The following HEBP1 variants were observed in gnomAD, a reference collection of about 807,000 sequenced individuals.
The protein encoded by HEBP1 is heme binding protein 1.
Under a neutral mutation model 20.4 loss-of-function variants are expected in HEBP1, and 13 were observed. The ratio of observed to expected loss-of-function variants is 0.64; its 90% confidence interval spans 0.42 to 1.01. The LOEUF is 1.01. Among genes scored for constraint, HEBP1 ranks in the 50% least tolerant of loss-of-function variants. The pLI is 0.00. For synonymous variants in HEBP1, 92 were observed against 90.7 expected, an observed-to-expected ratio of 1.01 and a Z score of -0.08; for missense variants, 241 against 247.3, an observed-to-expected ratio of 0.97 and a Z score of 0.17.
At chr12:12,994,213 T>C (rs1322216880) in intron 1 of HEBP1, among the ~76,000 whole-genome samples, 2 of 152,122 alleles carry the variant, frequency 1.3e-5, no homozygotes, top group African/African-American at 4.8e-5. Context: ...ATGATGACTG[T>C]GAGTACAAAT....
intron 3 of HEBP1, chr12:12,985,797 C>T (rs554696222): frequency 4.5e-4 from 69 of 152,214 alleles, no homozygotes; most frequent in African/African-American, 1.6e-3. Flanking sequence ...CAGCACTTAA[C>T]AAATGCAAAA....
chr12:12,993,486 C>CCTCTCT (rs113869518), intron 1 of HEBP1, among the ~76,000 whole-genome samples: 28 of 134,906 alleles, frequency 2.1e-4, no homozygotes, highest in African/African-American at 7.0e-4. Flanking sequence ...TTTTTCTTTT[C>CCTCTCT]CTCTCTCTCT....
At chr12:12,983,470 A>C in intron 3 of HEBP1, 1 of 295,156 alleles carries the variant, frequency 3.4e-6, no homozygotes, top group Non-Finnish European at 6.8e-6. Flanking sequence ...TTCATTTTAG[A>C]ATTAATTTTG....
intron 3 of HEBP1, chr12:12,979,851 C>A (rs1470077157): frequency 1.3e-5 from 2 of 152,054 alleles, no homozygotes; most frequent in Non-Finnish European, 2.9e-5. Context: ...ATACACACAC[C>A]CCTGATTCCA....
chr12:12,975,351 T>C lies in HEBP1; in HGVS notation c.527A>G (p.Lys176Arg), dbSNP rs202078944. 1.2e-6 allele frequency: 2 copies of C among 1,614,072 alleles called. No homozygotes were observed. The highest frequency in any genetic ancestry group is 1.7e-6 in the Non-Finnish European group (2 of 1,179,966). The change falls in exon 4 of 4, where the codon AAG becomes AGG. Residue 176 changes from lysine to arginine, a missense_variant. Physicochemically the swap from Lys to Arg is conservative, Grantham distance 26 (BLOSUM62 2). Coordinates refer to ENST00000014930, the MANE Select transcript of HEBP1 (RefSeq NM_015987.5). ...GATCTCATTGCGCCGTCCGTAGGGC[T>C]TCATGGGAGGGTCATAACCCGTGCA... Reference protein sequence around the residue: ...YFCTGYDPPMKPYGRRNEIWL... With the variant: ...YFCTGYDPPMRPYGRRNEIWL...
At chr12:12,994,984 G>T (rs1266202616) in intron 1 of HEBP1, among the ~76,000 whole-genome samples, 2 of 152,198 alleles carry the variant, frequency 1.3e-5, no homozygotes, top group Non-Finnish European at 2.9e-5. Context: ...TGATGATGCA[G>T]GCACCACTGA....
intron 1 of HEBP1, among the ~76,000 whole-genome samples, chr12:12,992,046 T>C (rs1864230494): frequency 6.6e-6 from 1 of 152,230 alleles, no homozygotes; most frequent in African/African-American, 2.4e-5. Context: ...GGAACCTGGC[T>C]GCCCTAGACT....
At chr12:12,983,550 C>T (rs549550865) in intron 3 of HEBP1, 1 of 371,780 alleles carries the variant, frequency 2.7e-6, no homozygotes, top group African/African-American at 2.1e-5. Context: ...TTGCCTTCTA[C>T]CATCTCATTA....
At chr12:12,979,248 C>T (rs778265075) in intron 3 of HEBP1, among the ~76,000 whole-genome samples, 6 of 152,190 alleles carry the variant, frequency 3.9e-5, no homozygotes, top group Admixed American at 6.5e-5. Context: ...TCCGGGAAAA[C>T]CCCCAATTCT....
chr12:12,981,627 A>G (rs977224261), intron 3 of HEBP1, among the ~76,000 whole-genome samples: 6 of 152,244 alleles, frequency 3.9e-5, no homozygotes, highest in African/African-American at 1.4e-4. Flanking sequence ...AGTGTCACCC[A>G]TCTATCCAGA....
chr12:12,984,647 C>T (rs931740109), intron 3 of HEBP1: 3 of 152,086 alleles, frequency 2.0e-5, no homozygotes, highest in Non-Finnish European at 4.4e-5. Context: ...GTACCATCAG[C>T]CAGGTGTGGT....
At position 12,996,034 on chromosome 12, in the gene HEBP1, T is replaced by C. The variant is rs1288201233; in HGVS notation, c.78+4003A>G. Among the ~76,000 whole-genome samples, 1 of 152,220 alleles carries C rather than the reference T, an allele frequency of 6.6e-6. No homozygotes were observed. ...CATGTAGTGGGTATACATGCTAATG[T>C]TGGAAACCTGCTTTCTCATTACAAG... On this transcript the variant is annotated intron_variant, in intron 1 of 3. Transcript: ENST00000014930. This position sits in a 1 kb window ranked among gnomAD's most constrained non-coding sequence, Gnocchi z 4.1.
chr12:12,980,924 G>C (rs1864073036), intron 3 of HEBP1, among the ~76,000 whole-genome samples: 1 of 152,276 alleles, frequency 6.6e-6, no homozygotes, highest in Non-Finnish European at 1.5e-5. Flanking sequence ...CCCCCAACCA[G>C]AGCTGAGCAG....
At chr12:12,985,729 C>T (rs1450856902) in intron 3 of HEBP1, 2 of 151,956 alleles carry the variant, frequency 1.3e-5, no homozygotes, top group African/African-American at 4.8e-5. Context: ...TAACAATAAT[C>T]CTATAAGGTT....
chr12:12,992,357 C>G (rs1442492061), intron 1 of HEBP1, among the ~76,000 whole-genome samples: 1 of 152,172 alleles, frequency 6.6e-6, no homozygotes. Flanking sequence ...GCGAACGCCA[C>G]CACTCCCAGC....
chr12:12,991,860 A>G (rs1864229294), intron 1 of HEBP1, among the ~76,000 whole-genome samples: 1 of 152,168 alleles, frequency 6.6e-6, no homozygotes, highest in South Asian at 2.1e-4. Context: ...AAGTTGGTCT[A>G]TGTTAATTTT....
intron 3 of HEBP1, among the ~76,000 whole-genome samples, chr12:12,984,808 A>G (rs1191487265): frequency 1.3e-5 from 2 of 151,816 alleles, no homozygotes. Context: ...ACAACAACAA[A>G]AAGAAAGTAC....
rs151291131 is a variant in HEBP1, at chr12:12,975,336, C to A, written c.542G>T (p.Arg181Leu). The change falls in exon 4 of 4, where the codon CGC becomes CTC. Residue 181 changes from arginine to leucine, a missense_variant. Coordinates refer to ENST00000014930, the MANE Select transcript of HEBP1 (RefSeq NM_015987.5). ...TGTCTTCAACAGCCAGATCTCATTG[C>A]GCCGTCCGTAGGGCTTCATGGGAGG... ...YDPPMKPYGRRNEIWLLKT is the reference protein window; with the variant it reads ...YDPPMKPYGRLNEIWLLKT 6.2e-7 allele frequency: 1 copy of A among 1,613,924 alleles called. No individual in the cohort carries two copies. The highest frequency in any genetic ancestry group is 2.2e-5 in the East Asian group (1 of 44,832).
At chr12:12,976,084 A>AAAAC (rs1863980634) in intron 3 of HEBP1, among the ~76,000 whole-genome samples, 4 of 151,198 alleles carry the variant, frequency 2.6e-5, no homozygotes, top group Admixed American at 2.6e-4. Context: ...TGTCAAAAAA[A>AAAAC]AAAAAAAAAA....
Sources: allele counts gnomAD v4.1 joint callset (sites outside exome capture counted in the v4.1 genomes callset), GRCh38; gene constraint gnomAD v4.1.1; non-coding constraint Gnocchi (gnomAD v3.1); transcripts MANE v1.5; gene names NCBI Gene and HGNC (gene_info 2026-07-23, HGNC 2026-07-21).